Variants in PLCD4 observed in about 807,000 individuals in gnomAD.
PLCD4 encodes phospholipase C delta 4, also known as 1-phosphatidylinositol 4,5-bisphosphate phosphodiesterase delta-4.
PLCD4 carries 63 observed loss-of-function variants against 90.2 expected under a neutral mutation model. The ratio of observed to expected loss-of-function variants is 0.70; its 90% CI spans 0.57 to 0.86. The LOEUF is 0.86. PLCD4 is among the 40% of genes least tolerant of loss of function. The probability of loss-of-function intolerance (pLI) is 0.00; values close to 1 mark genes in which losing one functional copy is unlikely to be tolerated. For synonymous variants in PLCD4, 294 were observed against 356.5 expected (o/e 0.82, Z 1.97); for missense variants, 830 against 956.3 (o/e 0.87, Z 1.74).
At position 218,628,051 on chromosome 2, in the gene PLCD4, T is replaced by A. The variant is rs1696191799; in HGVS notation, c.795T>A (p.Ser265Arg). The change falls in exon 7 of 16, where the codon AGT (serine) becomes AGA (arginine). Residue 265 changes from serine to arginine, a missense_variant. Transcript: ENST00000450993. ...SDSGKLRHVL[S>R]MDGFLSYLCS... is the part of the protein sequence containing the mutation. ...CAGGCAAACTGCGGCATGTGCTGAG[T>A]ATGGATGGCTTCCTCAGCTACCTCT... 1.1e-5 allele frequency: 17 copies of A among 1,613,808 alleles called. No individual in the cohort carries two copies. The highest frequency in any genetic ancestry group is 1.4e-5 in the Non-Finnish European group (16 of 1,179,822).
intron 1 of PLCD4, among the ~76,000 whole-genome samples, chr2:218,613,619 A>C (rs1422869048): frequency 1.3e-5 from 2 of 152,136 alleles, no homozygotes; most frequent in Non-Finnish European, 2.9e-5. Context: ...GCTGGAGCTC[A>C]GTGGTGTAAT....
chr2:218,634,449 G>A lies in PLCD4; in HGVS notation c.1724-9G>A. ...GAATCTTGCTCTTCTTTTCTCCTGG[G>A]GCCCTCAGTGGCCATGAATATGCAG... On this transcript the variant is annotated splice_polypyrimidine_tract_variant and intron_variant, in intron 12 of 15. Coordinates refer to ENST00000450993, the MANE Select transcript of PLCD4 (RefSeq NM_032726.4). This position sits in a 1 kb window ranked among gnomAD's most constrained non-coding sequence, Gnocchi z 4.0. 1 of 1,608,370 alleles carries A rather than the reference G, an allele frequency of 6.2e-7. No individual in the cohort carries two copies. Among genetic ancestry groups the A allele is most frequent in the South Asian group, 1.1e-5 (1 of 90,316 alleles).
chr2:218,610,730 T>C (rs1422327613), intron 1 of PLCD4, among the ~76,000 whole-genome samples: 2 of 151,838 alleles, frequency 1.3e-5, no homozygotes, highest in African/African-American at 4.8e-5. Context: ...GGTTCTTTTT[T>C]TTTTCCTCCT....
intron 7 of PLCD4, 68 bp from the exon 8 acceptor site, chr2:218,629,451 G>A (rs748258076): frequency 6.4e-6 from 10 of 1,570,018 alleles, no homozygotes; most frequent in Non-Finnish European, 8.7e-6. Flanking sequence ...CCAGAGTGGG[G>A]AGAGTCCCTA....
intron 2 of PLCD4, 31 bp downstream of exon 2, chr2:218,615,792 G>A: frequency 6.2e-7 from 1 of 1,603,108 alleles, no homozygotes. Context: ...AGGGGAAGAG[G>A]CCTTAGTGTA....
intron 7 of PLCD4, chr2:218,629,044 C>T (rs763617342): frequency 1.3e-5 from 2 of 156,132 alleles, no homozygotes; most frequent in Non-Finnish European, 2.8e-5. Flanking sequence ...AGTGAGAGCC[C>T]GTCTCCACAA....
intron 3 of PLCD4, among the ~76,000 whole-genome samples, chr2:218,616,925 TATAGAGAGAGAGAGAGAGAG>T (rs1458353728): frequency 1.3e-4 from 3 of 22,236 alleles, no homozygotes; most frequent in African/African-American, 5.9e-4. Flanking sequence ...TATATATATA[TATAGAGAGAGAGAGAGAGAG>T]AGAGAGAGAG....
At position 218,634,774 on chromosome 2, in the gene PLCD4, CT is replaced by C; in HGVS notation, c.1896+146del. Reference sequence around the variant, plus strand: ...TTAGCTTTTGGAGCCAGCTGCCTAGCTTCAAACCACAACTTCCTAATTGGGT... The same window carrying C: ...TTAGCTTTTGGAGCCAGCTGCCTAGCTCAAACCACAACTTCCTAATTGGGT... On this transcript the variant is annotated intron_variant, in intron 13 of 15. Transcript: ENST00000450993. This position sits in a 1 kb window ranked among gnomAD's most constrained non-coding sequence, Gnocchi z 4.0. 2 of 996,030 alleles carry C rather than the reference CT, an allele frequency of 2.0e-6. No homozygotes were observed. Among genetic ancestry groups the C allele is most frequent in the Non-Finnish European group, 1.5e-6 (1 of 674,110 alleles). 61.7% of individuals were successfully genotyped at this position (996,030 alleles called of 1,614,324 possible).
chr2:218,622,486 C>T (rs1247199021), intron 5 of PLCD4, 161 bp from the exon 6 acceptor site: 1 of 505,926 alleles, frequency 2.0e-6, no homozygotes, highest in East Asian at 3.1e-5. Flanking sequence ...CCATGATGTG[C>T]TTATTTCACA....
intron 6 of PLCD4, among the ~76,000 whole-genome samples, chr2:218,624,866 T>C (rs1434473598): frequency 6.6e-6 from 1 of 151,876 alleles, no homozygotes; most frequent in African/African-American, 2.4e-5. Context: ...ATCCCAGCAC[T>C]TTGGGAGGCC....
chr2:218,627,944 G>T (rs1696187453), intron 6 of PLCD4, 85 bp from the exon 7 acceptor site: 3 of 1,271,254 alleles, frequency 2.4e-6, no homozygotes, highest in Non-Finnish European at 3.3e-6. Context: ...GCTCTGGATG[G>T]AGTGGGAGGA....
chr2:218,627,988 T>C, intron 6 of PLCD4, 41 bp from the exon 7 acceptor site: 3 of 1,551,796 alleles, frequency 1.9e-6, no homozygotes, highest in South Asian at 1.2e-5. Context: ...GATGCTCCCA[T>C]TCAGAGCTTC....
chr2:218,618,777 C>T lies in PLCD4; in HGVS notation c.380C>T (p.Thr127Ile). ...RGLQLLVDLV[T>I]SMDHQERLDQ... ...CTCCAGCTGTTGGTGGATCTTGTCA[C>T]CAGCATGGACCATCAGGAGCGCCTG... Residue 127 changes from threonine to isoleucine, a missense_variant, in exon 4 of 16, where the codon ACC (threonine) becomes ATC (isoleucine). Transcript: ENST00000450993. 6.3e-7 allele frequency: 1 copy of T among 1,599,528 alleles called. No homozygotes were observed. Among genetic ancestry groups the T allele is most frequent in the Non-Finnish European group, 8.5e-7 (1 of 1,173,006 alleles).
In PLCD4 at chr2:218,614,524, C is replaced by G. The variant is rs555574531; in HGVS notation, c.-33-1183C>G. Among the ~76,000 whole-genome samples, 376 of 151,656 alleles carry G rather than the reference C, an allele frequency of 2.5e-3. 2 individuals carry two copies. Among genetic ancestry groups the G allele is most frequent in the African/African-American group, 8.5e-3 (353 of 41,370 alleles). On this transcript the variant is annotated intron_variant, in intron 1 of 15. Transcript: ENST00000450993. ...GAGTGCATGGCACAATCTTGGCTCA[C>G]TGCCAACCTCTGCCACCCAGGTTCA...
chr2:218,631,850 T>C (rs1304836947), intron 9 of PLCD4, among the ~76,000 whole-genome samples: 1 of 152,180 alleles, frequency 6.6e-6, no homozygotes, highest in African/African-American at 2.4e-5. Flanking sequence ...TGTATTCTTA[T>C]GTTCTTTATA....
At chr2:218,621,734 T>C in intron 5 of PLCD4, 135 bp downstream of exon 5, 1 of 1,147,966 alleles carries the variant, frequency 8.7e-7, no homozygotes, top group Non-Finnish European at 1.3e-6. Flanking sequence ...CTCAATGCCC[T>C]AGGCTCAATG....
At chr2:218,629,470 A>G (rs1481138176) in intron 7 of PLCD4, 49 bp from the exon 8 acceptor site, 2 of 1,600,294 alleles carry the variant, frequency 1.2e-6, no homozygotes, top group East Asian at 2.2e-5. Flanking sequence ...TAGGTAGAAG[A>G]TCAGATATTG....
rs1417068039 is a variant in PLCD4, at chr2:218,622,603, C to T, written c.541-44C>T. ...TTTTTTAATTAAAAAGATAACATTT[C>T]CCATTAAAAGTTTCATTCACTCTCC... On this transcript the variant is annotated intron_variant, in intron 5 of 15. Transcript: ENST00000450993. 6 of 1,385,892 alleles carry T rather than the reference C, an allele frequency of 4.3e-6. No homozygotes were observed. The African/African-American group carries it at 4.4e-5, about 10-fold the overall frequency. The allele number at this position is 1,385,892 out of a possible 1,614,324, so 85.8% of individuals were successfully genotyped here.
chr2:218,629,311 G>A, intron 7 of PLCD4: 1 of 535,468 alleles, frequency 1.9e-6, no homozygotes, highest in Non-Finnish European at 3.3e-6. Context: ...AGGACTGTGA[G>A]TCGGGTGGGC....
Sources: gnomAD v4.1 joint callset for allele counts (sites outside exome capture counted in the v4.1 genomes callset) on GRCh38, gnomAD v4.1.1 for gene constraint, Gnocchi (gnomAD v3.1) non-coding constraint, MANE v1.5 for transcripts, NCBI Gene and HGNC (gene_info 2026-07-23, HGNC 2026-07-21) for gene names.